Variants in XKR6 observed in about 807,000 individuals in gnomAD.
The protein encoded by XKR6 is XK related 6.
XKR6 carries 22 observed loss-of-function variants against 56.7 expected under a neutral mutation model. The observed-to-expected ratio is 0.39, with a 90% CI of 0.28 to 0.55. XKR6 has a LOEUF of 0.55. Among genes scored for constraint, XKR6 ranks in the 20% least tolerant of loss-of-function variants. The pLI is 0.66. For missense variants in XKR6, 852 were observed against 889.0 expected (o/e 0.96, Z 0.53); for synonymous variants, 524 against 387.8 (o/e 1.35, Z -4.13).
At chr8:11,174,561 C>A (rs983986735) in intron 1 of XKR6, among the ~76,000 whole-genome samples, 2 of 152,254 alleles carry the variant, frequency 1.3e-5, no homozygotes, top group Middle Eastern at 3.4e-3. Flanking sequence ...AAAATGAATA[C>A]AAAATATTGT....
chr8:11,023,086 T>C (rs906424290), intron 1 of XKR6, among the ~76,000 whole-genome samples: 1 of 152,210 alleles, frequency 6.6e-6, no homozygotes, highest in African/African-American at 2.4e-5. Flanking sequence ...CAGACTCTGA[T>C]GTGCCGAACA....
At chr8:10,913,411 T>C (rs2129112027) in intron 2 of XKR6, among the ~76,000 whole-genome samples, 1 of 152,104 alleles carries the variant, frequency 6.6e-6, no homozygotes, top group East Asian at 1.9e-4. Flanking sequence ...CCTTGCCCCT[T>C]AGCCAGGTAC....
chr8:11,184,014 C>T (rs1351618890), intron 1 of XKR6, among the ~76,000 whole-genome samples: 2 of 151,984 alleles, frequency 1.3e-5, no homozygotes, highest in Admixed American at 6.6e-5. Flanking sequence ...AAGACTGAGC[C>T]GGCACCAGAT....
intron 1 of XKR6, among the ~76,000 whole-genome samples, chr8:10,997,080 C>T (rs1426702262): frequency 6.6e-6 from 1 of 152,190 alleles, no homozygotes; most frequent in African/African-American, 2.4e-5. Context: ...TCGTCTGCAC[C>T]TTCTTTCCAA....
intron 1 of XKR6, among the ~76,000 whole-genome samples, chr8:11,044,506 A>T (rs1208758962): frequency 6.6e-6 from 1 of 152,170 alleles, no homozygotes; most frequent in East Asian, 1.9e-4. Flanking sequence ...TTCAGCTGAC[A>T]CACCTGGGGC....
At chr8:11,129,573 A>G (rs1436880553) in intron 1 of XKR6, among the ~76,000 whole-genome samples, 1 of 152,242 alleles carries the variant, frequency 6.6e-6, no homozygotes, top group African/African-American at 2.4e-5. Context: ...TTCATGGTAC[A>G]CGAACAGTCA....
At chr8:11,179,081 T>TCTCAGC (rs1802833960) in intron 1 of XKR6, among the ~76,000 whole-genome samples, 1 of 145,978 alleles carries the variant, frequency 6.9e-6, no homozygotes, top group African/African-American at 2.6e-5. Context: ...TGTCTCGAAC[T>TCTCAGC]CTCAGCCTCA....
At chr8:10,967,599 C>G (rs1042143027) in intron 1 of XKR6, among the ~76,000 whole-genome samples, 2 of 152,156 alleles carry the variant, frequency 1.3e-5, no homozygotes, top group Non-Finnish European at 2.9e-5. Context: ...GAGCTGGAGG[C>G]CAGGCTCTGA....
chr8:11,005,872 C>A (rs1301652475), intron 1 of XKR6, among the ~76,000 whole-genome samples: 3 of 112,868 alleles, frequency 2.7e-5, no homozygotes, highest in African/African-American at 1.1e-4. Context: ...GAGATGGAGT[C>A]TCCCTCTTTT....
chr8:11,044,634 G>C (rs1266621080), intron 1 of XKR6, among the ~76,000 whole-genome samples: 4 of 145,628 alleles, frequency 2.7e-5, no homozygotes, highest in African/African-American at 5.4e-5. Context: ...ATGATTTTCT[G>C]ATTTTTTTTT....
At chr8:10,909,092 G>A (rs1800271050) in intron 2 of XKR6, among the ~76,000 whole-genome samples, 1 of 152,108 alleles carries the variant, frequency 6.6e-6, no homozygotes, top group Non-Finnish European at 1.5e-5. Context: ...TTTGAACTGG[G>A]GAGGTGGAGG....
intron 1 of XKR6, among the ~76,000 whole-genome samples, chr8:10,987,343 CATT>C (rs1467832918): frequency 6.6e-6 from 1 of 152,210 alleles, no homozygotes; most frequent in Non-Finnish European, 1.5e-5. Context: ...AGAGCAGAAT[CATT>C]ATCAATTTAC....
At chr8:10,922,745 C>T (rs1184123121) in intron 2 of XKR6, among the ~76,000 whole-genome samples, 1 of 152,186 alleles carries the variant, frequency 6.6e-6, no homozygotes, top group Non-Finnish European at 1.5e-5. Flanking sequence ...TGGAGCATCA[C>T]CAAGGTTTCC....
rs1800189103 is a variant in XKR6 at position 11,132,992 on chromosome 8, T to C, written c.764+67584A>G. 2.6e-5 allele frequency among the ~76,000 whole-genome samples: 4 copies of C among 152,110 alleles called. No individual in the cohort carries two copies. The South Asian group carries it at 6.2e-4, about 24-fold the overall frequency. On this transcript the variant is annotated intron_variant, in intron 1 of 2. Coordinates refer to ENST00000416569, the MANE Select transcript of XKR6 (RefSeq NM_173683.4). ...AAAATAAATTTACACATTTTTGAGATCAAAAATCTTGTAAGAAAAATGGCA... is the reference window on the plus strand; with the variant it reads ...AAAATAAATTTACACATTTTTGAGACCAAAAATCTTGTAAGAAAAATGGCA...
intron 2 of XKR6, among the ~76,000 whole-genome samples, chr8:10,914,335 G>T (rs1321667775): frequency 2.0e-5 from 3 of 152,148 alleles, no homozygotes; most frequent in African/African-American, 4.8e-5. Flanking sequence ...TGCATCCCCA[G>T]TAGTGAGAGG....
At chr8:11,070,610 T>A (rs12549720) in intron 1 of XKR6, among the ~76,000 whole-genome samples, 1,825 of 152,314 alleles carry the variant, frequency 0.012, 46 homozygotes, top group African/African-American at 0.04. Flanking sequence ...TAGATCCCAA[T>A]GGGCAAAACA....
chr8:11,193,708 C>T (rs934251548), intron 1 of XKR6, among the ~76,000 whole-genome samples: 3 of 147,784 alleles, frequency 2.0e-5, no homozygotes, highest in African/African-American at 7.5e-5. Flanking sequence ...TCTCAAACAA[C>T]AAATTACAGC....
At chr8:11,194,477 G>C (rs1448593063) in intron 1 of XKR6, 1 of 152,196 alleles carries the variant, frequency 6.6e-6, no homozygotes, top group African/African-American at 2.4e-5. Flanking sequence ...TTTTTTAAAA[G>C]TTTTACTTTT....
intron 2 of XKR6, among the ~76,000 whole-genome samples, chr8:10,901,090 CTG>C (rs1417728064): frequency 1.4e-5 from 2 of 146,450 alleles, no homozygotes; most frequent in Non-Finnish European, 3.0e-5. Context: ...GAGTCCCACT[CTG>C]TCACCCAGGC....
Sources: gnomAD v4.1 joint callset for allele counts (sites outside exome capture counted in the v4.1 genomes callset) on GRCh38, gnomAD v4.1.1 for gene constraint, MANE v1.5 for transcripts, NCBI Gene and HGNC (gene_info 2026-07-23, HGNC 2026-07-21) for gene names.